Variants in NAPEPLD observed in about 807,000 individuals in gnomAD.
NAPEPLD encodes N-acyl-phosphatidylethanolamine-hydrolyzing phospholipase D.
In NAPEPLD, 23 loss-of-function variants were observed where a neutral mutation model predicts 38.1. That is an observed-to-expected ratio of 0.60 (90% CI 0.43 to 0.86). The LOEUF is 0.86. Among genes scored for constraint, NAPEPLD ranks in the 40% least tolerant of loss-of-function variants. NAPEPLD has a pLI of 0.00. For synonymous variants in NAPEPLD, 147 were observed against 162.0 expected, an observed-to-expected ratio of 0.91 and a Z score of 0.71; for missense variants, 411 against 476.8, an observed-to-expected ratio of 0.86 and a Z score of 1.28.
chr7:103,114,695 T>TATCACATACATGACTTCTGTCTTCTGC (rs1805226844), intron 4 of NAPEPLD, among the ~76,000 whole-genome samples: 3 of 152,200 alleles, frequency 2.0e-5, no homozygotes, highest in Non-Finnish European at 4.4e-5. Context: ...CTAACATCTG[T>TATCACATACATGACTTCTGTCTTCTGC]ATCACATACA....
chr7:103,144,857 C>A (rs1344731396), intron 1 of NAPEPLD, among the ~76,000 whole-genome samples: 1 of 151,916 alleles, frequency 6.6e-6, no homozygotes, highest in Non-Finnish European at 1.5e-5. Flanking sequence ...ACTAAAAATA[C>A]AAAAATTAGC....
chr7:103,126,084 A>C (rs1807735584), intron 2 of NAPEPLD, among the ~76,000 whole-genome samples: 1 of 152,080 alleles, frequency 6.6e-6, no homozygotes, highest in African/African-American at 2.4e-5. Context: ...GGGTCACTAG[A>C]GCCCGGGAGT....
In NAPEPLD at chr7:103,128,795, A is replaced by G. The variant is rs760013967; in HGVS notation, c.-16-3T>C. ...CATCCATGTCCTTTGGTGAAGAACT[A>G]AAAAAAACAAGGGGGAAAAATACTG... On this transcript the variant is annotated splice_polypyrimidine_tract_variant and splice_region_variant and intron_variant, in intron 1 of 4. Transcript: ENST00000465647. 79 of 1,593,818 alleles carry G rather than the reference A, an allele frequency of 5.0e-5. 2 individuals carry two copies. In the South Asian group the frequency reaches 7.6e-4, roughly 15 times the overall value.
intron 2 of NAPEPLD, among the ~76,000 whole-genome samples, chr7:103,122,454 A>C (rs1806909508): frequency 6.6e-6 from 1 of 152,188 alleles, no homozygotes; most frequent in Non-Finnish European, 1.5e-5. Flanking sequence ...GCAGATGGGG[A>C]GATGCTGGTG....
In NAPEPLD at chr7:103,106,598, G is replaced by C. The variant is rs112626968; in HGVS notation, c.1057-3044C>G. The stretch of plus-strand genomic sequence containing the variant: ...GTCCGCCACTGCTGAAGCTTGAGTA[G>C]GCAGTTTTCCCCTCACAGTGTAAAC... On this transcript the variant is annotated intron_variant, in intron 4 of 4. Coordinates refer to ENST00000465647, the MANE Select transcript of NAPEPLD (RefSeq NM_001122838.3). 7.8e-3 allele frequency among the ~76,000 whole-genome samples: 1,191 copies of C among 152,218 alleles called. 16 individuals are homozygous for C. Among genetic ancestry groups the C allele is most frequent in the African/African-American group, 0.026 (1,096 of 41,556 alleles).
intron 1 of NAPEPLD, chr7:103,141,967 G>A: frequency 1.3e-6 from 1 of 772,600 alleles, no homozygotes; most frequent in Non-Finnish European, 2.3e-6. Flanking sequence ...CGAAAGGAAA[G>A]AGCTCCCCTG....
At chr7:103,133,082 C>T (rs1809303136) in intron 1 of NAPEPLD, among the ~76,000 whole-genome samples, 1 of 152,152 alleles carries the variant, frequency 6.6e-6, no homozygotes, top group East Asian at 1.9e-4. Context: ...AACGAAAAAA[C>T]CTCCAAAGGG....
At chr7:103,149,384 C>T, upstream of NAPEPLD, 1 of 1,170,048 alleles carries the variant, frequency 8.5e-7, no homozygotes, top group Non-Finnish European at 1.1e-6. Context: ...GCGACCGCGG[C>T]AGGCGCTCGG....
intron 1 of NAPEPLD, among the ~76,000 whole-genome samples, chr7:103,147,104 A>C (rs1398697991): frequency 6.6e-6 from 1 of 152,248 alleles, no homozygotes; most frequent in Non-Finnish European, 1.5e-5. Context: ...AAAATACTTA[A>C]ATACACAATA....
intron 1 of NAPEPLD, among the ~76,000 whole-genome samples, chr7:103,140,518 A>G (rs914903879): frequency 1.0e-4 from 15 of 149,724 alleles, no homozygotes; most frequent in East Asian, 2.0e-4. Context: ...TCAGCCTCCC[A>G]AGTGGCTGGG....
At chr7:103,137,512 T>A (rs1038628555) in intron 1 of NAPEPLD, among the ~76,000 whole-genome samples, 6 of 152,056 alleles carry the variant, frequency 3.9e-5, no homozygotes, top group Admixed American at 3.3e-4. Flanking sequence ...CATGTTACGG[T>A]AAATTTGGAA....
At chr7:103,128,813 A>T in intron 1 of NAPEPLD, 21 bp from the exon 2 acceptor site, 1 of 1,588,910 alleles carries the variant, frequency 6.3e-7, no homozygotes, top group Non-Finnish European at 8.5e-7. Flanking sequence ...CAAGGGGGAA[A>T]AATACTGAGT....
At chr7:103,115,245 T>A in intron 3 of NAPEPLD, 71 bp from the exon 4 acceptor site, 2 of 1,115,402 alleles carry the variant, frequency 1.8e-6, no homozygotes, top group Non-Finnish European at 2.7e-6. Context: ...CTGTTTCACT[T>A]AACCAAACTT....
chr7:103,108,929 G>T (rs1437362300), intron 4 of NAPEPLD, among the ~76,000 whole-genome samples: 1 of 152,090 alleles, frequency 6.6e-6, no homozygotes, highest in Non-Finnish European at 1.5e-5. Flanking sequence ...AAAAAAAGCA[G>T]GGGTTGTAAT....
intron 1 of NAPEPLD, among the ~76,000 whole-genome samples, chr7:103,136,525 G>A (rs1810105973): frequency 1.3e-5 from 2 of 150,186 alleles, no homozygotes; most frequent in South Asian, 4.2e-4. Flanking sequence ...GGCAGAGGTT[G>A]CAGTGAGCCA....
At chr7:103,104,571 A>G (rs993004710) in intron 4 of NAPEPLD, among the ~76,000 whole-genome samples, 1 of 152,188 alleles carries the variant, frequency 6.6e-6, no homozygotes, top group Admixed American at 6.5e-5. Flanking sequence ...GCTCAGTTCC[A>G]GGTTTTATGG....
chr7:103,109,172 C>G (rs1364400451), intron 4 of NAPEPLD, among the ~76,000 whole-genome samples: 1 of 152,180 alleles, frequency 6.6e-6, no homozygotes. Flanking sequence ...CAATATTAGA[C>G]AGATCAACGA....
At chr7:103,126,520 G>A (rs373266663) in intron 2 of NAPEPLD, among the ~76,000 whole-genome samples, 11 of 152,084 alleles carry the variant, frequency 7.2e-5, no homozygotes, top group East Asian at 5.8e-4. Context: ...GGACACAACT[G>A]TTCATAAGGC....
upstream of NAPEPLD, chr7:103,149,321 G>A: frequency 4.5e-6 from 5 of 1,116,688 alleles, no homozygotes; most frequent in Non-Finnish European, 5.5e-6. Context: ...CCTCAGTTCC[G>A]CGGCTTCCGG....
Sources: gnomAD v4.1 joint callset for allele counts (sites outside exome capture counted in the v4.1 genomes callset) on GRCh38, gnomAD v4.1.1 for gene constraint, MANE v1.5 for transcripts, NCBI Gene and HGNC (gene_info 2026-07-23, HGNC 2026-07-21) for gene names.